ZBTB4: variants seen among roughly 807,000 people sequenced by gnomAD.
ZBTB4 encodes zinc finger and BTB domain containing 4, also known as zinc finger and BTB domain-containing protein 4.
In ZBTB4, 14 loss-of-function variants were observed where a neutral mutation model predicts 59.8. The ratio of observed to expected loss-of-function variants is 0.23; its 90% confidence interval spans 0.15 to 0.37. ZBTB4 has a LOEUF of 0.37. ZBTB4 is among the 10% of genes least tolerant of loss of function. The pLI, the probability that ZBTB4 is intolerant of heterozygous loss-of-function variation, is 1.00. For synonymous variants in ZBTB4, 587 were observed against 575.2 expected, an observed-to-expected ratio of 1.02 and a Z score of -0.29; for missense variants, 1,198 against 1,380.8, an observed-to-expected ratio of 0.87 and a Z score of 2.10.
At position 7,465,999 on chromosome 17, in the gene ZBTB4, A is replaced by G. The variant is rs777634225; in HGVS notation, c.803T>C (p.Leu268Pro). 1.1e-5 allele frequency: 17 copies of G among 1,605,252 alleles called. No homozygotes were observed. Among genetic ancestry groups the G allele is most frequent in the Non-Finnish European group, 1.4e-5 (17 of 1,174,266 alleles). ...RGASTRGSTG[L>P]GAGGAGPGGP... ...ACCAGGGCCAGCGCCCCCAGCTCCC[A>G]GCCCTGTAGACCCCCGCGTGCTGGC... The change falls in exon 3 of 4, where the codon CTG becomes CCG. Residue 268 changes from leucine (L) to proline (P), a missense_variant. Leu to Pro is a moderately conservative substitution (Grantham distance 98). Around this residue, in one of 9 missense-constraint regions of ZBTB4, gnomAD observed 204 missense variants for 205.5 expected, o/e 0.99. Coordinates refer to ENST00000380599, the MANE Select transcript of ZBTB4 (RefSeq NM_001128833.2).
intron 3 of ZBTB4, among the ~76,000 whole-genome samples, chr17:7,464,837 T>TAA (rs1171627240): frequency 2.1e-5 from 2 of 96,258 alleles, no homozygotes; most frequent in Admixed American, 1.1e-4. Context: ...GACTCGGTCT[T>TAA]AAAAAAAAAA....
Position 7,461,850 on chromosome 17 carries a change from C to A in ZBTB4, c.*90G>T, listed in dbSNP as rs2070024501. ...GTCCCTGCACAAGAGTGTGAAGGGG[C>A]TCCCAAGGGGCAGGGAGGCCAGGGA... On this transcript the variant is annotated 3_prime_UTR_variant, in exon 4 of 4. Transcript: ENST00000380599. 6.5e-6 allele frequency: 8 copies of A among 1,237,774 alleles called. No homozygotes were observed. Among genetic ancestry groups the A allele is most frequent in the Middle Eastern group, 2.3e-4 (1 of 4,362 alleles). 76.7% of individuals were successfully genotyped at this position (1,237,774 alleles called of 1,614,324 possible). A position where few individuals can be genotyped will look rare whatever the true frequency, so the allele number is the denominator to read the frequency against.
intron 1 of ZBTB4, among the ~76,000 whole-genome samples, chr17:7,468,998 C>T (rs946486285): frequency 2.0e-5 from 3 of 152,120 alleles, no homozygotes; most frequent in Non-Finnish European, 4.4e-5. Flanking sequence ...GGTCAGGCAT[C>T]CTGCGGAAGG....
At chr17:7,464,756 T>C (rs2070087988) in intron 3 of ZBTB4, among the ~76,000 whole-genome samples, 1 of 148,754 alleles carries the variant, frequency 6.7e-6, no homozygotes, top group South Asian at 2.1e-4. Flanking sequence ...GAGAATCGCT[T>C]GAACCCAGGA....
intron 1 of ZBTB4, among the ~76,000 whole-genome samples, chr17:7,475,532 A>T (rs1262667482): frequency 6.6e-6 from 1 of 150,528 alleles, no homozygotes; most frequent in African/African-American, 2.5e-5. Flanking sequence ...GCTCACTGCA[A>T]CCTCCGTCTC....
At position 7,462,623 on chromosome 17, in the gene ZBTB4, G is replaced by A. The variant is rs995315117; in HGVS notation, c.2359C>T (p.His787Tyr). ...GTGCCCCCGGGCCGCTCAGCAGCATGCCTCTGCCCGTGGCGGCTCAGGGCA... is the reference window on the plus strand; with the variant it reads ...GTGCCCCCGGGCCGCTCAGCAGCATACCTCTGCCCGTGGCGGCTCAGGGCA... ...AAALSRHGQR[H>Y]AAERPGGTPT... Residue 787 changes from histidine to tyrosine, a missense_variant, in exon 4 of 4, where the codon CAT becomes TAT. Transcript: ENST00000380599. This position sits in a 1 kb window ranked among gnomAD's most constrained non-coding sequence, Gnocchi z 7.5. The A allele has an allele frequency of 6.2e-7, 1 of 1,609,028 alleles. No individual in the cohort carries two copies. The highest frequency in any genetic ancestry group is 8.5e-7 in the Non-Finnish European group (1 of 1,177,816).
intron 1 of ZBTB4, among the ~76,000 whole-genome samples, chr17:7,478,382 T>C (rs1378685580): frequency 1.3e-5 from 2 of 152,050 alleles, no homozygotes; most frequent in African/African-American, 4.8e-5. Context: ...TCATGATCTT[T>C]GGGATCTGAG....
Position 7,462,892 on chromosome 17 carries a change from C to T in ZBTB4, c.2090G>A (p.Arg697His), listed in dbSNP as rs751837963. 27 of 1,608,022 alleles carry T rather than the reference C, an allele frequency of 1.7e-5. No individual in the cohort carries two copies. The highest frequency in any genetic ancestry group is 1.6e-4 in the Middle Eastern group (1 of 6,080). Residue 697 changes from arginine (R) to histidine (H), a missense_variant, in exon 4 of 4, where the codon CGT becomes CAT. Transcript: ENST00000380599. This position sits in a 1 kb window ranked among gnomAD's most constrained non-coding sequence, Gnocchi z 7.5. The part of the protein sequence containing the change: ...SGLPRGRRPP[R>H]WRQKLERRSW... The stretch of plus-strand genomic sequence containing the variant: ...CCTCCGTTCCAGCTTCTGCCTCCAA[C>T]GTGGTGGCCGGCGGCCTCGGGGCAG...
upstream of ZBTB4, chr17:7,482,656 C>G (rs2070361061): frequency 5.0e-6 from 8 of 1,612,046 alleles, no homozygotes; most frequent in East Asian, 1.8e-4. Flanking sequence ...CAGTGGCCTT[C>G]CTATCTGGCT....
At chr17:7,465,569 TAACC>T in intron 3 of ZBTB4, 138 bp downstream of exon 3, 2 of 1,374,072 alleles carry the variant, frequency 1.5e-6, no homozygotes, top group South Asian at 3.3e-5. Context: ...CCACCTCAGC[TAACC>T]ACAGTGCTGG....
intron 1 of ZBTB4, among the ~76,000 whole-genome samples, chr17:7,472,578 G>A (rs1232034716): frequency 4.1e-5 from 6 of 147,846 alleles, no homozygotes; most frequent in Non-Finnish European, 7.4e-5. Flanking sequence ...TGATCTGCCC[G>A]CCTCTGCCTC....
chr17:7,480,337 A>G (rs1044166864), upstream of ZBTB4, among the ~76,000 whole-genome samples: 4 of 152,190 alleles, frequency 2.6e-5, no homozygotes, highest in Admixed American at 6.5e-5. Context: ...CTGAAACTCC[A>G]CAGGGACAAT....
In ZBTB4 at chr17:7,466,749, C is replaced by T. The variant is rs759872532; in HGVS notation, c.53G>A (p.Arg18His). 1.6e-5 allele frequency: 26 copies of T among 1,591,030 alleles called. No individual in the cohort carries two copies. The highest frequency in any genetic ancestry group is 1.1e-4 in the Admixed American group (6 of 54,812). ...ACGGAGCCGCTGTTCATTGAGCTGG[C>T]GCAGGACGGCGGGGGCATGGGACGG... is the stretch of plus-strand genomic sequence containing the variant. ...TDPSHAPAVL[R>H]QLNEQRLRGL... Residue 18 changes from arginine to histidine, a missense_variant, in exon 3 of 4, where the codon CGC (arginine) becomes CAC (histidine). Arg to His is a conservative substitution (Grantham distance 29, BLOSUM62 0). Transcript: ENST00000380599. This position sits in a 1 kb window ranked among gnomAD's most constrained non-coding sequence, Gnocchi z 9.1.
At position 7,463,227 on chromosome 17, in the gene ZBTB4, G is replaced by T. The variant is rs754635815; in HGVS notation, c.1755C>A (p.Pro585=). 4.3e-6 allele frequency: 7 copies of T among 1,610,534 alleles called. No individual in the cohort carries two copies. Among genetic ancestry groups the T allele is most frequent in the East Asian group, 4.5e-5 (2 of 44,804 alleles). ...GAGAGGGGCCCCGGCCAGCCCCTGT[G>T]GGGGGACCCCCACCTCCACCAATCC... ...VGGIGGGGGP[P]TGAGRGPSQL... is the part of the protein sequence containing the mutation. The change falls in exon 4 of 4, where the codon CCC becomes CCA. Residue 585 remains proline (P), a synonymous_variant. Transcript: ENST00000380599.
At chr17:7,476,355 T>C (rs530079516) in intron 1 of ZBTB4, among the ~76,000 whole-genome samples, 2 of 152,314 alleles carry the variant, frequency 1.3e-5, no homozygotes, top group Non-Finnish European at 2.9e-5. Flanking sequence ...AAACACACAG[T>C]ACTCAGCGTG....
rs1200908014 is a variant in ZBTB4 at position 7,479,542 on chromosome 17, G to A, written c.-167C>T. On this transcript the variant is annotated 5_prime_UTR_variant, in exon 1 of 4. Coordinates refer to ENST00000380599, the MANE Select transcript of ZBTB4 (RefSeq NM_001128833.2). Reference sequence around the variant, plus strand: ...TCCGGTTTTGCCCGCCTCCAGCTCCGGCTCCGGCTCCAGCTCCGGCCCTGG... The same window carrying A: ...TCCGGTTTTGCCCGCCTCCAGCTCCAGCTCCGGCTCCAGCTCCGGCCCTGG... 1 of 159,452 alleles carries A rather than the reference G, an allele frequency of 6.3e-6. No individual in the cohort carries two copies. The highest frequency in any genetic ancestry group is 1.7e-4 in the South Asian group (1 of 5,790). 9.9% of individuals were successfully genotyped at this position (159,452 alleles called of 1,614,324 possible).
chr17:7,478,631 T>C (rs2070301805), intron 1 of ZBTB4, among the ~76,000 whole-genome samples: 1 of 152,108 alleles, frequency 6.6e-6, no homozygotes, highest in South Asian at 2.1e-4. Context: ...AAACAGGTCA[T>C]AGGTGCAGCA....
chr17:7,479,794 G>A (rs1419555238), upstream of ZBTB4, among the ~76,000 whole-genome samples: 1 of 151,600 alleles, frequency 6.6e-6, no homozygotes, highest in Non-Finnish European at 1.5e-5. Context: ...CCCGCGGCAT[G>A]ACACTGCGCC....
chr17:7,463,965 C>G, intron 3 of ZBTB4, 75 bp from the exon 4 acceptor site: 1 of 1,528,752 alleles, frequency 6.5e-7, no homozygotes, highest in South Asian at 1.3e-5. Flanking sequence ...CCCAGGTCCT[C>G]CTACACCCTG....
Sources: gnomAD v4.1 joint callset for allele counts (sites outside exome capture counted in the v4.1 genomes callset) on GRCh38, gnomAD v4.1.1 for gene constraint, gnomAD v4.1.1 regional missense constraint, Gnocchi (gnomAD v3.1) non-coding constraint, MANE v1.5 for transcripts, NCBI Gene and HGNC (gene_info 2026-07-23, HGNC 2026-07-21) for gene names.